STT3B: variants seen among roughly 807,000 people sequenced by gnomAD.
STT3B encodes STT3 oligosaccharyltransferase complex catalytic subunit B.
In STT3B, 29 loss-of-function variants were observed where a neutral mutation model predicts 96.8. That is an observed-to-expected ratio of 0.30 (90% CI 0.22 to 0.41). The LOEUF (loss-of-function observed/expected upper bound fraction) is 0.41. Ranked by LOEUF, STT3B falls within the 10% of genes least tolerant of loss-of-function variation. The pLI, the probability that STT3B is intolerant of heterozygous loss-of-function variation, is 1.00. For missense variants in STT3B, 640 were observed against 1,022.3 expected, an observed-to-expected ratio of 0.63 and a Z score of 5.10; for synonymous variants, 367 against 360.0, an observed-to-expected ratio of 1.02 and a Z score of -0.22.
intron 1 of STT3B, among the ~76,000 whole-genome samples, chr3:31,557,619 A>ATT: frequency 6.6e-6 from 1 of 151,172 alleles, no homozygotes; most frequent in South Asian, 2.1e-4. Context: ...AGGTATATAT[A>ATT]TTTTTATTTT....
rs145691931 is a variant in STT3B at position 31,625,186 on chromosome 3, C to T, written c.1899+101C>T. ...AGGAAAAATGTGGGTGAAAAGTACT[C>T]TGCTGAATTCTCAAAATACTTTTTT... is the stretch of plus-strand genomic sequence containing the variant. On this transcript the variant is annotated intron_variant, in intron 12 of 15. Transcript: ENST00000295770. 2.5e-4 allele frequency: 247 copies of T among 1,006,498 alleles called. No homozygotes were observed. In the African/African-American group the frequency reaches 3.4e-3, roughly 14 times the overall value. 62.3% of individuals were successfully genotyped at this position (1,006,498 alleles called of 1,614,324 possible).
At chr3:31,595,745 A>T (rs73824199) in intron 3 of STT3B, among the ~76,000 whole-genome samples, 8,202 of 152,210 alleles carry the variant, frequency 0.054, 752 homozygotes, top group African/African-American at 0.19. Context: ...GGGCTTAAAA[A>T]TTTTAAATTC....
rs780300920 is a variant in STT3B, at chr3:31,619,778, C to T, written c.1275C>T (p.Phe425=). The change falls in exon 9 of 16, where the codon TTC becomes TTT. Residue 425 remains phenylalanine, a synonymous_variant. Transcript: ENST00000295770. ...FFDLHILVCT[F]PAGLWFCIKN... is the part of the protein sequence containing the mutation. ...ATCTACATATTCTTGTATGTACCTT[C>T]CCAGCAGGCCTTTGGTTCTGCATCA... 6.2e-7 allele frequency: 1 copy of T among 1,613,798 alleles called. No individual in the cohort carries two copies.
chr3:31,564,979 A>G lies in STT3B; in HGVS notation c.315-11417A>G, dbSNP rs550059787. The stretch of plus-strand genomic sequence containing the variant: ...ATGGTGATAATAATGGAAGTTCTGT[A>G]TCTCTTGGAAGATGTTGCAAATAAT... On this transcript the variant is annotated intron_variant, in intron 1 of 15. Transcript: ENST00000295770. 8.1e-4 allele frequency among the ~76,000 whole-genome samples: 123 copies of G among 152,344 alleles called. 1 individual carries two copies. Among genetic ancestry groups the G allele is most frequent in the African/African-American group, 2.8e-3 (118 of 41,598 alleles).
chr3:31,599,458 A>AT (rs997157026), intron 4 of STT3B, among the ~76,000 whole-genome samples: 9 of 152,356 alleles, frequency 5.9e-5, no homozygotes, highest in Non-Finnish European at 1.2e-4. Flanking sequence ...GAAAAATAGC[A>AT]TGTGACCAAG....
chr3:31,613,013 ACAGACAGATG>A (rs1442187345), intron 5 of STT3B, among the ~76,000 whole-genome samples: 2 of 152,182 alleles, frequency 1.3e-5, no homozygotes, highest in Non-Finnish European at 2.9e-5. Flanking sequence ...AATTATCCAT[ACAGACAGATG>A]CAGATTTGTG....
chr3:31,608,897 A>C (rs1699117804), intron 5 of STT3B, among the ~76,000 whole-genome samples: 1 of 152,148 alleles, frequency 6.6e-6, no homozygotes, highest in Admixed American at 6.5e-5. Context: ...TGGGTGGATC[A>C]CGAGGTCAAG....
At chr3:31,533,453 C>T in intron 1 of STT3B, 141 bp downstream of exon 1, 1 of 1,128,834 alleles carries the variant, frequency 8.9e-7, no homozygotes, top group Non-Finnish European at 1.1e-6. Context: ...GGCGCGGATC[C>T]CGGAGCTCCG....
At chr3:31,580,897 A>G (rs1195067856) in intron 3 of STT3B, among the ~76,000 whole-genome samples, 1 of 152,002 alleles carries the variant, frequency 6.6e-6, no homozygotes, top group East Asian at 1.9e-4. Context: ...CTTATCAAAA[A>G]GTGTTTTTAA....
At position 31,629,394 on chromosome 3, in the gene STT3B, A is replaced by T; in HGVS notation, c.2170A>T (p.Arg724Ter). The T allele has an allele frequency of 6.3e-7, 1 of 1,587,128 alleles. No homozygotes were observed. The highest frequency in any genetic ancestry group is 8.6e-7 in the Non-Finnish European group (1 of 1,160,206). The change falls in exon 14 of 16, where the codon AGA (arginine) becomes TGA (stop). Residue 724 changes from arginine (R) to a stop codon, truncating the protein, a stop_gained. Coordinates refer to ENST00000295770, the MANE Select transcript of STT3B (RefSeq NM_178862.3). LOFTEE classifies it high-confidence loss of function. ...NCLMYKMSYYRFGEMQLDFRT... is the reference protein window; with the variant it reads ...NCLMYKMSYY ...CCTTATGTATAAAATGTCATACTACAGATTTGGAGAAATGCAGGTTAGTTA... is the reference window on the plus strand; with the variant it reads ...CCTTATGTATAAAATGTCATACTACTGATTTGGAGAAATGCAGGTTAGTTA...
chr3:31,585,407 A>G (rs1449577538), intron 3 of STT3B, among the ~76,000 whole-genome samples: 1 of 152,106 alleles, frequency 6.6e-6, no homozygotes, highest in Non-Finnish European at 1.5e-5. Context: ...AAATTAATAC[A>G]TGTAAAGGTA....
intron 1 of STT3B, among the ~76,000 whole-genome samples, chr3:31,559,926 CATT>C (rs1697831124): frequency 6.6e-6 from 1 of 152,060 alleles, no homozygotes; most frequent in Non-Finnish European, 1.5e-5. Flanking sequence ...ATCCACTTAT[CATT>C]ATATAATTAC....
intron 13 of STT3B, among the ~76,000 whole-genome samples, chr3:31,627,717 A>G (rs1389363349): frequency 6.6e-6 from 1 of 152,144 alleles, no homozygotes; most frequent in Non-Finnish European, 1.5e-5. Flanking sequence ...TTTTGTATTA[A>G]TCTTCTGAAA....
chr3:31,613,347 G>A (rs1308450982), intron 5 of STT3B, among the ~76,000 whole-genome samples: 3 of 152,134 alleles, frequency 2.0e-5, no homozygotes, highest in African/African-American at 7.2e-5. Flanking sequence ...CTTCAGAAGT[G>A]ATTGTCGTGT....
At chr3:31,602,741 AAGAAG>A (rs1213726249) in intron 5 of STT3B, among the ~76,000 whole-genome samples, 4 of 143,302 alleles carry the variant, frequency 2.8e-5, no homozygotes, top group African/African-American at 1.0e-4. Flanking sequence ...AGAGTATTTT[AAGAAG>A]AAAGAATAAT....
At chr3:31,628,193 A>G (rs1169710200) in intron 13 of STT3B, among the ~76,000 whole-genome samples, 2 of 146,024 alleles carry the variant, frequency 1.4e-5, no homozygotes, top group Non-Finnish European at 3.0e-5. Flanking sequence ...CCATAAATAT[A>G]CACAAATTTA....
Position 31,625,820 on chromosome 3 carries a change from T to G in STT3B, c.1900-134T>G, listed in dbSNP as rs1699524703. 3 of 744,128 alleles carry G rather than the reference T, an allele frequency of 4.0e-6. No homozygotes were observed. In the South Asian group the frequency reaches 6.4e-5, roughly 16 times the overall value. The allele number at this position is 744,128 out of a possible 1,614,324, so 46.1% of individuals were successfully genotyped here. On this transcript the variant is annotated intron_variant, in intron 12 of 15. Transcript: ENST00000295770. Reference sequence around the variant, plus strand: ...TCCAATGCATTTGTTGAATTCATAGTAAATCATTTCTGCAAAAAAATTCCA... The same window carrying G: ...TCCAATGCATTTGTTGAATTCATAGGAAATCATTTCTGCAAAAAAATTCCA...
At chr3:31,622,908 A>G (rs1405685749) in intron 10 of STT3B, among the ~76,000 whole-genome samples, 1 of 152,218 alleles carries the variant, frequency 6.6e-6, no homozygotes, top group African/African-American at 2.4e-5. Flanking sequence ...TGACATATTA[A>G]ACTTTGCTAT....
intron 13 of STT3B, among the ~76,000 whole-genome samples, chr3:31,627,320 T>TA (rs1699559024): frequency 6.6e-6 from 1 of 152,180 alleles, no homozygotes; most frequent in East Asian, 1.9e-4. Flanking sequence ...GCATGTTCCT[T>TA]ATGAGAATCT....
Sources: gnomAD v4.1 joint callset for allele counts (sites outside exome capture counted in the v4.1 genomes callset) on GRCh38, gnomAD v4.1.1 for gene constraint, MANE v1.5 for transcripts, NCBI Gene and HGNC (gene_info 2026-07-23, HGNC 2026-07-21) for gene names.